The following DENND5A variants were observed in gnomAD, a reference collection of about 807,000 sequenced individuals.
DENND5A encodes DENN domain-containing protein 5A.
DENND5A carries 64 observed loss-of-function variants against 140.3 expected under a neutral mutation model. The observed-to-expected ratio is 0.46, with a 90% confidence interval of 0.37 to 0.56. The LOEUF (loss-of-function observed/expected upper bound fraction) is 0.56, where lower values mean the gene tolerates loss of function less well. Among genes scored for constraint, DENND5A ranks in the 20% least tolerant of loss-of-function variants. DENND5A has a pLI of 0.00. For synonymous variants in DENND5A, 605 were observed against 607.7 expected (o/e 1.00, Z 0.07); for missense variants, 1,292 against 1,593.8 (o/e 0.81, Z 3.22).
At chr11:9,222,900 C>T (rs1452975618) in intron 1 of DENND5A, among the ~76,000 whole-genome samples, 1 of 152,208 alleles carries the variant, frequency 6.6e-6, no homozygotes, top group Non-Finnish European at 1.5e-5. Flanking sequence ...GCCACAAGCT[C>T]TTGCTATAGC....
intron 12 of DENND5A, among the ~76,000 whole-genome samples, chr11:9,153,048 T>G (rs1053314053): frequency 1.4e-5 from 2 of 145,838 alleles, no homozygotes; most frequent in African/African-American, 5.0e-5. Flanking sequence ...CCAGGCACAG[T>G]GTCTCACACC....
At chr11:9,162,365 G>A (rs1038254911) in intron 11 of DENND5A, among the ~76,000 whole-genome samples, 9 of 147,306 alleles carry the variant, frequency 6.1e-5, no homozygotes, top group African/African-American at 1.5e-4. Flanking sequence ...TCAGCCTCCC[G>A]AGTAGCTGGG....
At chr11:9,256,551 T>C (rs1264900970) in intron 1 of DENND5A, among the ~76,000 whole-genome samples, 1 of 152,200 alleles carries the variant, frequency 6.6e-6, no homozygotes, top group Non-Finnish European at 1.5e-5. Flanking sequence ...CATATTTTTC[T>C]GGCATAAACA....
At chr11:9,153,274 G>T (rs537152986) in intron 12 of DENND5A, among the ~76,000 whole-genome samples, 1 of 144,952 alleles carries the variant, frequency 6.9e-6, no homozygotes, top group Non-Finnish European at 1.5e-5. Flanking sequence ...GAACCTGGGG[G>T]GCAGAGGTTG....
rs1457197777 is a variant in DENND5A, at chr11:9,139,813, C to T, written c.3722G>A (p.Cys1241Tyr). 1.2e-6 allele frequency: 2 copies of T among 1,613,988 alleles called. No homozygotes were observed. Among genetic ancestry groups the T allele is most frequent in the Non-Finnish European group, 1.7e-6 (2 of 1,180,032 alleles). The change falls in exon 23 of 23, where the codon TGC becomes TAC. Residue 1241 changes from cysteine (C) to tyrosine (Y), a missense_variant. Coordinates refer to ENST00000328194, the MANE Select transcript of DENND5A (RefSeq NM_015213.4). ...CTCATACATGTGTGCAGTGATGGGG[C>T]AGTCAGCCAGCAGGGCAATCCAGTG... ...LHHWIALLAD[C>Y]PITAHMYEDV...
At chr11:9,176,879 T>C (rs1032192138) in intron 8 of DENND5A, 1 of 456,118 alleles carries the variant, frequency 2.2e-6, no homozygotes, top group East Asian at 6.9e-5. Flanking sequence ...GCACTTGAGG[T>C]TGATCATATA....
At chr11:9,179,951 A>T (rs182940759) in intron 6 of DENND5A, among the ~76,000 whole-genome samples, 17 of 152,360 alleles carry the variant, frequency 1.1e-4, no homozygotes, top group African/African-American at 3.8e-4. Flanking sequence ...CAACAAGATT[A>T]TTACATTGGC....
intron 1 of DENND5A, among the ~76,000 whole-genome samples, chr11:9,250,885 G>A (rs754396033): frequency 6.6e-6 from 1 of 152,108 alleles, no homozygotes; most frequent in African/African-American, 2.4e-5. Context: ...TGTAATCCCA[G>A]CACTTTGGCA....
chr11:9,178,080 G>GGCATAT, intron 8 of DENND5A, 52 bp downstream of exon 8: 2 of 1,260,142 alleles, frequency 1.6e-6, no homozygotes, highest in Non-Finnish European at 2.3e-6. Flanking sequence ...AAAGGGACAT[G>GGCATAT]TTAATGCCAT....
At chr11:9,205,730 A>T (rs901995002) in intron 3 of DENND5A, among the ~76,000 whole-genome samples, 3 of 151,176 alleles carry the variant, frequency 2.0e-5, no homozygotes, top group Non-Finnish European at 4.4e-5. Context: ...CTGCTTCTAT[A>T]AAAAAAAAAT....
chr11:9,233,771 G>A (rs1356794327), intron 1 of DENND5A, among the ~76,000 whole-genome samples: 3 of 152,130 alleles, frequency 2.0e-5, no homozygotes, highest in African/African-American at 4.8e-5. Context: ...CTCTGAGGGG[G>A]TGTGCCCTGC....
At chr11:9,173,698 A>G (rs1848449532) in intron 8 of DENND5A, among the ~76,000 whole-genome samples, 1 of 152,210 alleles carries the variant, frequency 6.6e-6, no homozygotes, top group African/African-American at 2.4e-5. Flanking sequence ...ATATTGTATC[A>G]CCTAAAAGTA....
At chr11:9,230,168 C>A (rs1349163782) in intron 1 of DENND5A, among the ~76,000 whole-genome samples, 1 of 150,550 alleles carries the variant, frequency 6.6e-6, no homozygotes, top group African/African-American at 2.4e-5. Context: ...GTCAGCCTCC[C>A]AAAGTGCTGG....
intron 3 of DENND5A, among the ~76,000 whole-genome samples, chr11:9,206,087 T>C (rs1452512581): frequency 6.6e-6 from 1 of 152,230 alleles, no homozygotes; most frequent in Non-Finnish European, 1.5e-5. Flanking sequence ...TATTTAATAC[T>C]ACCCATGTAA....
At chr11:9,156,775 C>A (rs547972018) in intron 12 of DENND5A, among the ~76,000 whole-genome samples, 48 of 150,416 alleles carry the variant, frequency 3.2e-4, no homozygotes, top group African/African-American at 1.0e-3. Context: ...GCACTCCAGG[C>A]TGTGTGACAG....
chr11:9,170,530 G>C, intron 9 of DENND5A, 97 bp downstream of exon 9: 2 of 1,449,212 alleles, frequency 1.4e-6, no homozygotes, highest in Non-Finnish European at 1.9e-6. Context: ...CTTTAGAAAA[G>C]TACAAGGTCT....
At chr11:9,236,400 C>T (rs574522741) in intron 1 of DENND5A, among the ~76,000 whole-genome samples, 9 of 149,430 alleles carry the variant, frequency 6.0e-5, no homozygotes, top group African/African-American at 1.7e-4. Flanking sequence ...GGCATGGTGA[C>T]GGGCACCTGT....
Position 9,207,431 on chromosome 11 carries a change from T to A in DENND5A, c.181+130A>T, listed in dbSNP as rs979727239. 1.1e-5 allele frequency: 7 copies of A among 650,348 alleles called. No homozygotes were observed. In the Admixed American group the frequency reaches 1.4e-4, roughly 13 times the overall value. The allele number at this position is 650,348 out of a possible 1,614,324, so 40.3% of individuals were successfully genotyped here. ...AACCCACCACCTAGAGGGATACAAA[T>A]CTGAAAAATCTAGTGGTCAAAAAAG... On this transcript the variant is annotated intron_variant, in intron 2 of 22. Coordinates refer to ENST00000328194, the MANE Select transcript of DENND5A (RefSeq NM_015213.4).
intron 11 of DENND5A, among the ~76,000 whole-genome samples, chr11:9,161,353 A>C (rs1003475703): frequency 1.2e-4 from 18 of 152,226 alleles, no homozygotes; most frequent in African/African-American, 4.1e-4. Flanking sequence ...GTCTCAAAAA[A>C]AAAAAAATAT....
Sources: allele counts gnomAD v4.1 joint callset (sites outside exome capture counted in the v4.1 genomes callset), GRCh38; gene constraint gnomAD v4.1.1; transcripts MANE v1.5; gene names NCBI Gene and HGNC (gene_info 2026-07-23, HGNC 2026-07-21).